Variants in SYNE1 observed in about 807,000 individuals in gnomAD.
SYNE1 encodes the protein nesprin-1.
A neutral mutation model predicts 1,111.0 loss-of-function variants in SYNE1; 616 were observed. The observed-to-expected ratio is 0.55, with a 90% confidence interval of 0.52 to 0.59. The LOEUF (loss-of-function observed/expected upper bound fraction) is 0.59, where lower values mean the gene tolerates loss of function less well. SYNE1 is among the 20% of genes least tolerant of loss of function. The pLI is 0.00. For synonymous variants in SYNE1, 3,855 were observed against 3,825.8 expected (o/e 1.01, Z -0.28); for missense variants, 10,006 against 10,417.0 (o/e 0.96, Z 1.72).
intron 140 of SYNE1, among the ~76,000 whole-genome samples, chr6:152,137,921 G>A (rs545187784): frequency 1.2e-4 from 19 of 152,110 alleles, no homozygotes; most frequent in Admixed American, 2.0e-4. Context: ...TTGTCATGCC[G>A]GATGACTTTC....
At position 152,409,189 on chromosome 6, in the gene SYNE1, TTC is replaced by T; in HGVS notation, c.6417_6418del (p.Lys2140ArgfsTer4). ...TTTGCTGGTAAAGTTATCCAAGTCT[TTC>T]TGTTTGTAATTCATTTTGTTCTTGG... is the stretch of plus-strand genomic sequence containing the variant. On this transcript the variant is annotated frameshift_variant, in exon 44 of 146. Coordinates refer to ENST00000367255, the MANE Select transcript of SYNE1 (RefSeq NM_182961.4). LOFTEE classifies it high-confidence loss of function. The T allele has an allele frequency of 6.2e-7, 1 of 1,614,160 alleles. No individual in the cohort carries two copies. Among genetic ancestry groups the T allele is most frequent in the Non-Finnish European group, 8.5e-7 (1 of 1,180,022 alleles).
At chr6:152,197,119 G>A (rs2074314044) in intron 127 of SYNE1, among the ~76,000 whole-genome samples, 1 of 152,192 alleles carries the variant, frequency 6.6e-6, no homozygotes, top group Non-Finnish European at 1.5e-5. Context: ...TCCGTGCCAT[G>A]TGGCTGCTGC....
intron 77 of SYNE1, 114 bp from the exon 78 acceptor site, chr6:152,332,004 CTT>C: frequency 1.4e-6 from 2 of 1,479,650 alleles, no homozygotes; most frequent in South Asian, 2.3e-5. Flanking sequence ...GAGTTTTGCT[CTT>C]GTTTCCCAGG....
At position 152,447,521 on chromosome 6, in the gene SYNE1, CTTTT is replaced by C; in HGVS notation, c.3602_3605del (p.Gln1201ArgfsTer17). On this transcript the variant is annotated frameshift_variant, in exon 29 of 146. Coordinates refer to ENST00000367255, the MANE Select transcript of SYNE1 (RefSeq NM_182961.4). LOFTEE classifies it high-confidence loss of function. ...ATAATTTTGCCAGCTCATCTCCCTG[CTTTT>C]GGGCTTCATTCTCAGAAGAAACTTC... 1.2e-6 allele frequency: 2 copies of C among 1,614,212 alleles called. No individual in the cohort carries two copies. Among genetic ancestry groups the C allele is most frequent in the Non-Finnish European group, 1.7e-6 (2 of 1,180,040 alleles).
At chr6:152,575,880 C>T (rs759822788) in intron 3 of SYNE1, among the ~76,000 whole-genome samples, 4 of 152,180 alleles carry the variant, frequency 2.6e-5, no homozygotes, top group Non-Finnish European at 5.9e-5. Flanking sequence ...ATCTTAGCAA[C>T]TTGAGGTGAC....
intron 3 of SYNE1, among the ~76,000 whole-genome samples, chr6:152,606,983 T>A (rs2099617165): frequency 2.3e-5 from 3 of 127,860 alleles, no homozygotes; most frequent in African/African-American, 6.3e-5. Context: ...GTTCTCTTTT[T>A]TTTTTTTTTT....
intron 127 of SYNE1, among the ~76,000 whole-genome samples, chr6:152,201,414 A>G (rs1255371035): frequency 1.3e-5 from 2 of 151,346 alleles, no homozygotes; most frequent in Non-Finnish European, 2.9e-5. Context: ...ATAATGGTCT[A>G]GAGGGCAGGG....
chr6:152,277,444 A>AC (rs2093722157), intron 98 of SYNE1: 1 of 136,020 alleles, frequency 7.4e-6, no homozygotes. Flanking sequence ...GGCCCAGCTA[A>AC]TTTTTTTTTT....
intron 6 of SYNE1, among the ~76,000 whole-genome samples, chr6:152,514,011 C>T (rs1017022209): frequency 8.5e-5 from 13 of 152,282 alleles, no homozygotes; most frequent in East Asian, 3.9e-4. Flanking sequence ...GAAGTAGGAA[C>T]GCATTTACAC....
At chr6:152,359,680 C>G (rs1036776884) in intron 64 of SYNE1, among the ~76,000 whole-genome samples, 1 of 151,832 alleles carries the variant, frequency 6.6e-6, no homozygotes, top group Non-Finnish European at 1.5e-5. Context: ...AGAACTTTCT[C>G]TAACATATGA....
Position 152,344,073 on chromosome 6 carries a change from T to C in SYNE1, c.12225+8A>G. ...CAAGAATAACACAAACTTTCAGGAG[T>C]TTACTACCTGCTTAATGGCTTCTGC... On this transcript the variant is annotated splice_region_variant and intron_variant, in intron 74 of 145. Transcript: ENST00000367255. 6.2e-7 allele frequency: 1 copy of C among 1,614,060 alleles called. No homozygotes were observed. The highest frequency in any genetic ancestry group is 8.5e-7 in the Non-Finnish European group (1 of 1,179,996).
At chr6:152,412,367 C>T (rs214986) in intron 42 of SYNE1, among the ~76,000 whole-genome samples, 58,196 of 149,554 alleles carry the variant, frequency 0.39, 11,710 homozygotes, top group East Asian at 0.75. Flanking sequence ...GAGCTTGCAG[C>T]GAGCAGAGAT....
At chr6:152,445,890 A>G (rs1050113773) in intron 29 of SYNE1, among the ~76,000 whole-genome samples, 5 of 152,112 alleles carry the variant, frequency 3.3e-5, no homozygotes, top group African/African-American at 1.2e-4. Flanking sequence ...TGCTTTCACT[A>G]AGTAAGTGAT....
rs762278344 is a variant in SYNE1 at position 152,224,633 on chromosome 6, A to T, written c.21383T>A (p.Val7128Glu). 6.2e-7 allele frequency: 1 copy of T among 1,614,000 alleles called. No individual in the cohort carries two copies. The highest frequency in any genetic ancestry group is 2.2e-5 in the East Asian group (1 of 44,850). The change falls in exon 117 of 146, where the codon GTG becomes GAG. Residue 7128 changes from valine (V) to glutamate (E), a missense_variant. Coordinates refer to ENST00000367255, the MANE Select transcript of SYNE1 (RefSeq NM_182961.4). ...TTTGTGACTACTCCATTGGTCAAGC[A>T]CTGATTTCAGCAGTATCTTTAATTG... The part of the protein sequence containing the change: ...VGQLKILLKS[V>E]LDQWSSHKVA...
chr6:152,350,921 T>A, intron 70 of SYNE1, 151 bp from the exon 71 acceptor site: 2 of 941,286 alleles, frequency 2.1e-6, no homozygotes, highest in Non-Finnish European at 1.6e-6. Context: ...AAAGAGAGAG[T>A]GATTTATTAA....
intron 130 of SYNE1, among the ~76,000 whole-genome samples, chr6:152,174,926 G>T (rs1448912685): frequency 6.6e-6 from 1 of 152,246 alleles, no homozygotes; most frequent in Non-Finnish European, 1.5e-5. Context: ...GGGTGCGGTG[G>T]CTCACACCTG....
At chr6:152,550,904 C>G (rs986900997) in intron 3 of SYNE1, among the ~76,000 whole-genome samples, 2 of 152,054 alleles carry the variant, frequency 1.3e-5, no homozygotes, top group African/African-American at 2.4e-5. Flanking sequence ...GTGAATCACA[C>G]AGAAGTGCAG....
rs9479293 is a variant in SYNE1 at position 152,323,149 on chromosome 6, A to G, written c.15917+329T>C. Among the ~76,000 whole-genome samples, 826 of 152,310 alleles carry G rather than the reference A, an allele frequency of 5.4e-3. 5 individuals are homozygous for G. Among genetic ancestry groups the G allele is most frequent in the African/African-American group, 0.019 (789 of 41,584 alleles). Reference sequence around the variant, plus strand: ...ACCTACTTATCCCAAGGCCAAGTTCAGTAACAGAATGAAAGTAGGGGCCGG... The same window carrying G: ...ACCTACTTATCCCAAGGCCAAGTTCGGTAACAGAATGAAAGTAGGGGCCGG... On this transcript the variant is annotated intron_variant, in intron 82 of 145. Transcript: ENST00000367255.
In SYNE1 at chr6:152,249,172, C is replaced by A; in HGVS notation, c.19561G>T (p.Glu6521Ter). 2 of 1,612,220 alleles carry A rather than the reference C, an allele frequency of 1.2e-6. No individual in the cohort carries two copies. The highest frequency in any genetic ancestry group is 1.7e-6 in the Non-Finnish European group (2 of 1,178,322). Reference sequence around the variant, plus strand: ...GCAGCTATAAATACCTCTATTTGTTCTGCTACGGGCTGTTCAAACACATTT... The same window carrying A: ...GCAGCTATAAATACCTCTATTTGTTATGCTACGGGCTGTTCAAACACATTT... ...LANVFEQPVA[E>*]QIEAIQQAED... is the part of the protein sequence containing the mutation. The change falls in exon 105 of 146, where the codon GAA becomes TAA. Residue 6521 changes from glutamate to a stop codon, truncating the protein, a stop_gained. Coordinates refer to ENST00000367255, the MANE Select transcript of SYNE1 (RefSeq NM_182961.4). LOFTEE classifies it high-confidence loss of function.
Sources: gnomAD v4.1 joint callset for allele counts (sites outside exome capture counted in the v4.1 genomes callset) on GRCh38, gnomAD v4.1.1 for gene constraint, MANE v1.5 for transcripts, NCBI Gene and HGNC (gene_info 2026-07-23, HGNC 2026-07-21) for gene names.